KCNIP4: variants seen among roughly 807,000 people sequenced by gnomAD.
KCNIP4 encodes potassium voltage-gated channel interacting protein 4.
Under a neutral mutation model 34.0 loss-of-function variants are expected in KCNIP4, and 12 were observed. The ratio of observed to expected loss-of-function variants is 0.35; its 90% confidence interval spans 0.23 to 0.57. The LOEUF (loss-of-function observed/expected upper bound fraction) is 0.57, where lower values mean the gene tolerates loss of function less well. Ranked by LOEUF, KCNIP4 falls within the 20% of genes least tolerant of loss-of-function variation. The pLI, the probability that KCNIP4 is intolerant of heterozygous loss-of-function variation, is 0.83. For synonymous variants in KCNIP4, 124 were observed against 102.2 expected (o/e 1.21, Z -1.29); for missense variants, 238 against 311.7 (o/e 0.76, Z 1.78).
At chr4:21,439,417 C>G (rs926966090) in intron 1 of KCNIP4, among the ~76,000 whole-genome samples, 4 of 152,156 alleles carry the variant, frequency 2.6e-5, no homozygotes, top group Middle Eastern at 3.2e-3. Context: ...GAAACTCTTC[C>G]GTATAATTCA....
intron 1 of KCNIP4, among the ~76,000 whole-genome samples, chr4:21,581,943 A>G (rs948052765): frequency 1.3e-5 from 2 of 149,454 alleles, no homozygotes; most frequent in Non-Finnish European, 3.0e-5. Context: ...TTAAAAGAAG[A>G]AAGAATAAAA....
chr4:21,085,117 A>G (rs1311265145), intron 1 of KCNIP4, among the ~76,000 whole-genome samples: 1 of 152,098 alleles, frequency 6.6e-6, no homozygotes, highest in Non-Finnish European at 1.5e-5. Context: ...CCTAAACCCC[A>G]ATATGATGGT....
At chr4:21,386,875 G>A (rs1722081197) in intron 1 of KCNIP4, among the ~76,000 whole-genome samples, 1 of 152,090 alleles carries the variant, frequency 6.6e-6, no homozygotes, top group African/African-American at 2.4e-5. Context: ...AAGGAAATAA[G>A]TCCACAAAGC....
chr4:21,705,973 G>A (rs375126539), intron 1 of KCNIP4, among the ~76,000 whole-genome samples: 10 of 152,128 alleles, frequency 6.6e-5, no homozygotes, highest in African/African-American at 2.4e-4. Context: ...GGATCCCACT[G>A]CCTATATTTG....
At chr4:21,085,088 C>A (rs546011652) in intron 1 of KCNIP4, among the ~76,000 whole-genome samples, 45 of 152,120 alleles carry the variant, frequency 3.0e-4, no homozygotes, top group Admixed American at 9.8e-4. Context: ...TGCCCCACCC[C>A]CAAATTAATA....
rs1206732787 is a variant in KCNIP4 at position 20,850,589 on chromosome 4, T to C, written c.242A>G (p.Lys81Arg). Residue 81 changes from lysine (K) to arginine (R), a missense_variant, in exon 3 of 9, where the codon AAA (lysine) becomes AGA (arginine). Coordinates refer to ENST00000382152, the MANE Select transcript of KCNIP4 (RefSeq NM_025221.6). ...GATCTGAAGCTCTTTCTTGGTAAATTTGCTCTGGGCTTCCAGAAGCTCAAG... is the reference window on the plus strand; with the variant it reads ...GATCTGAAGCTCTTTCTTGGTAAATCTGCTCTGGGCTTCCAGAAGCTCAAG... ...EALELLEAQS[K>R]FTKKELQILY... 6.2e-7 allele frequency: 1 copy of C among 1,612,950 alleles called. No individual in the cohort carries two copies. The highest frequency in any genetic ancestry group is 8.5e-7 in the Non-Finnish European group (1 of 1,179,748).
Position 20,885,943 on chromosome 4 carries a change from A to G in KCNIP4, c.62-3234T>C, listed in dbSNP as rs183867598. Among the ~76,000 whole-genome samples the G allele has an allele frequency of 2.5e-3, 376 of 152,308 alleles. 2 individuals carry two copies. The highest frequency in any genetic ancestry group is 5.0e-3 in the Admixed American group (77 of 15,298). ...CAGATTTCAGTTCAATAACTTTTTG[A>G]GGAAAACCTTATAGGGCAAACCAAC... On this transcript the variant is annotated intron_variant, in intron 1 of 8. Coordinates refer to ENST00000382152, the MANE Select transcript of KCNIP4 (RefSeq NM_025221.6).
intron 2 of KCNIP4, among the ~76,000 whole-genome samples, chr4:20,868,267 G>A (rs1723070246): frequency 6.6e-6 from 1 of 152,016 alleles, no homozygotes; most frequent in South Asian, 2.1e-4. Context: ...GTAATCATCA[G>A]AGAAATGTAA....
At chr4:21,367,951 G>T (rs930493921) in intron 1 of KCNIP4, among the ~76,000 whole-genome samples, 1 of 147,358 alleles carries the variant, frequency 6.8e-6, no homozygotes, top group African/African-American at 2.7e-5. Context: ...GCTAGTGTTT[G>T]TATCTTGCAG....
intron 1 of KCNIP4, among the ~76,000 whole-genome samples, chr4:21,807,155 C>T (rs1285522532): frequency 1.3e-5 from 2 of 152,130 alleles, no homozygotes; most frequent in Admixed American, 1.3e-4. Flanking sequence ...GAATTTAATG[C>T]TGCCACTAAT....
chr4:21,937,805 G>C (rs1342120295), intron 1 of KCNIP4, among the ~76,000 whole-genome samples: 1 of 151,930 alleles, frequency 6.6e-6, no homozygotes, highest in Admixed American at 6.6e-5. Context: ...CCAATGCCTT[G>C]CTCTGTCCTT....
At chr4:21,913,213 T>C (rs1200341631) in intron 1 of KCNIP4, among the ~76,000 whole-genome samples, 1 of 152,086 alleles carries the variant, frequency 6.6e-6, no homozygotes, top group Non-Finnish European at 1.5e-5. Flanking sequence ...TGGTGGTACA[T>C]GCCTGCAGAC....
intron 1 of KCNIP4, among the ~76,000 whole-genome samples, chr4:21,358,004 T>A (rs1718824181): frequency 6.6e-6 from 1 of 152,034 alleles, no homozygotes; most frequent in South Asian, 2.1e-4. Flanking sequence ...AAAGGATGAG[T>A]TCACATCCTT....
At chr4:21,188,903 A>G (rs1041772352) in intron 1 of KCNIP4, among the ~76,000 whole-genome samples, 4 of 152,222 alleles carry the variant, frequency 2.6e-5, no homozygotes, top group African/African-American at 4.8e-5. Context: ...CACATAGTAG[A>G]ACCTCAAAAA....
At chr4:20,845,864 A>C (rs1049086046) in intron 3 of KCNIP4, among the ~76,000 whole-genome samples, 13 of 152,296 alleles carry the variant, frequency 8.5e-5, no homozygotes, top group Admixed American at 2.0e-4. Context: ...GAGCTTAGAA[A>C]AGGATCCACG....
At chr4:20,992,368 G>A (rs941979059) in intron 1 of KCNIP4, among the ~76,000 whole-genome samples, 2 of 152,062 alleles carry the variant, frequency 1.3e-5, no homozygotes, top group African/African-American at 4.8e-5. Flanking sequence ...GAACAGCATG[G>A]GGGAAACCAC....
At chr4:21,869,819 G>T in intron 1 of KCNIP4, among the ~76,000 whole-genome samples, 1 of 152,028 alleles carries the variant, frequency 6.6e-6, no homozygotes. Context: ...TAGATCTATA[G>T]ATAGGTATAT....
chr4:21,589,024 C>G (rs1453648452), intron 1 of KCNIP4, among the ~76,000 whole-genome samples: 6 of 149,948 alleles, frequency 4.0e-5, no homozygotes, highest in Non-Finnish European at 7.4e-5. Flanking sequence ...AAAAGAAAGT[C>G]AAATCATATG....
At chr4:21,068,377 C>T (rs1217052497) in intron 1 of KCNIP4, among the ~76,000 whole-genome samples, 9 of 152,156 alleles carry the variant, frequency 5.9e-5, no homozygotes, top group African/African-American at 1.9e-4. Flanking sequence ...CTCCTCAAAA[C>T]GTTCTATACA....
Sources: allele counts gnomAD v4.1 joint callset (sites outside exome capture counted in the v4.1 genomes callset), GRCh38; gene constraint gnomAD v4.1.1; transcripts MANE v1.5; gene names NCBI Gene and HGNC (gene_info 2026-07-23, HGNC 2026-07-21).